GADL1: variants seen among roughly 807,000 people sequenced by gnomAD.
GADL1 encodes the protein GAD like acidic amino acid decarboxylase 1, also known as acidic amino acid decarboxylase GADL1.
Under a neutral mutation model 69.5 loss-of-function variants are expected in GADL1, and 71 were observed. That is an observed-to-expected ratio of 1.02 (90% CI 0.84 to 1.25). The LOEUF (loss-of-function observed/expected upper bound fraction) is 1.25, where lower values mean the gene tolerates loss of function less well. Among genes scored for constraint, GADL1 ranks in the 50% most tolerant of loss-of-function variants. The pLI, the probability that GADL1 is intolerant of heterozygous loss-of-function variation, is 0.00. For synonymous variants in GADL1, 254 were observed against 214.4 expected, an observed-to-expected ratio of 1.18 and a Z score of -1.62; for missense variants, 737 against 631.8, an observed-to-expected ratio of 1.17 and a Z score of -1.79.
chr3:30,820,545 C>A (rs573328044), intron 11 of GADL1, among the ~76,000 whole-genome samples: 1 of 152,120 alleles, frequency 6.6e-6, no homozygotes, highest in Non-Finnish European at 1.5e-5. Context: ...TTTCTTACAT[C>A]AGCCTTAGCA....
chr3:30,808,120 C>T (rs1697288584), intron 11 of GADL1, among the ~76,000 whole-genome samples: 1 of 151,938 alleles, frequency 6.6e-6, no homozygotes, highest in Admixed American at 6.6e-5. Context: ...CATGAATAGT[C>T]TGAGAAGGAA....
At position 30,785,008 on chromosome 3, in the gene GADL1, G is replaced by C. The variant is rs138735106; in HGVS notation, c.1302+1347C>G. ...TATCTGTCCCTCAAACATCCGCATG[G>C]CTTGCTGTTTATCTTTATTCAGGTC... On this transcript the variant is annotated intron_variant, in intron 13 of 14. Coordinates refer to ENST00000282538, the MANE Select transcript of GADL1 (RefSeq NM_207359.3). Among the ~76,000 whole-genome samples, 284 of 152,206 alleles carry C rather than the reference G, an allele frequency of 1.9e-3. No individual in the cohort carries two copies. In the South Asian group the frequency reaches 0.02, roughly 11 times the overall value.
intron 1 of GADL1, among the ~76,000 whole-genome samples, chr3:30,893,068 C>A (rs1456067934): frequency 4.6e-5 from 7 of 152,162 alleles, no homozygotes; most frequent in Admixed American, 4.6e-4. Flanking sequence ...GTTGGCCAGG[C>A]TGGTCTCAAA....
chr3:30,776,594 G>A (rs1275333924), intron 14 of GADL1, among the ~76,000 whole-genome samples: 1 of 152,182 alleles, frequency 6.6e-6, no homozygotes, highest in Non-Finnish European at 1.5e-5. Context: ...GGTGTATTCT[G>A]TATTGGTCAT....
At chr3:30,837,716 T>C (rs1263370745) in intron 9 of GADL1, among the ~76,000 whole-genome samples, 2 of 152,160 alleles carry the variant, frequency 1.3e-5, no homozygotes, top group Non-Finnish European at 2.9e-5. Flanking sequence ...TGCTGATGTA[T>C]TTGATTTTCC....
At chr3:30,853,979 C>A (rs1698188058) in intron 4 of GADL1, among the ~76,000 whole-genome samples, 1 of 151,992 alleles carries the variant, frequency 6.6e-6, no homozygotes, top group South Asian at 2.1e-4. Context: ...TCACCTGGGC[C>A]CTATATGTCT....
intron 1 of GADL1, among the ~76,000 whole-genome samples, chr3:30,869,931 G>T (rs1698457110): frequency 6.6e-6 from 1 of 151,858 alleles, no homozygotes; most frequent in Non-Finnish European, 1.5e-5. Flanking sequence ...GATAGGTGAA[G>T]TCAGATAAAA....
chr3:30,851,351 A>G (rs1698144079), intron 4 of GADL1, among the ~76,000 whole-genome samples: 1 of 152,162 alleles, frequency 6.6e-6, no homozygotes, highest in Non-Finnish European at 1.5e-5. Context: ...GATTACTGCC[A>G]TGAGTATGCT....
intron 13 of GADL1, among the ~76,000 whole-genome samples, chr3:30,782,225 C>T: frequency 6.6e-6 from 1 of 152,098 alleles, no homozygotes; most frequent in East Asian, 1.9e-4. Context: ...GGAAATAGAT[C>T]TCATCTTTGA....
intron 14 of GADL1, among the ~76,000 whole-genome samples, chr3:30,758,233 G>T (rs1696026568): frequency 1.3e-5 from 2 of 152,152 alleles, no homozygotes; most frequent in African/African-American, 4.8e-5. Context: ...TCCACATACA[G>T]TTGCATGCAC....
At chr3:30,793,895 C>T (rs1245074247) in intron 12 of GADL1, among the ~76,000 whole-genome samples, 1 of 152,152 alleles carries the variant, frequency 6.6e-6, no homozygotes, top group African/African-American at 2.4e-5. Flanking sequence ...TTGAGCCTCC[C>T]AGAACTCCTG....
At chr3:30,866,304 C>T (rs1845527) in intron 1 of GADL1, among the ~76,000 whole-genome samples, 25,514 of 151,616 alleles carry the variant, frequency 0.17, 2,180 homozygotes, top group African/African-American at 0.21. Context: ...CCAAAAAATA[C>T]AAAAATTAGC....
intron 11 of GADL1, among the ~76,000 whole-genome samples, chr3:30,815,991 A>AGG (rs1409631753): frequency 6.6e-6 from 1 of 152,164 alleles, no homozygotes; most frequent in Admixed American, 6.5e-5. Flanking sequence ...TACAGTGGGA[A>AGG]GGGGGAATAG....
At position 30,833,890 on chromosome 3, in the gene GADL1, C is replaced by G; in HGVS notation, c.1013G>C (p.Gly338Ala). The change falls in exon 11 of 15, where the codon GGG (glycine) becomes GCG (alanine). Residue 338 changes from glycine (G) to alanine (A), a missense_variant. Physicochemically the swap from Gly to Ala is moderately conservative, Grantham distance 60 (BLOSUM62 0). Transcript: ENST00000282538. Reference sequence around the variant, plus strand: ...CACAAGGAGAGCACAGCACTGGATCCCAGCCATCAGCATCTTGTGTGGGTT... The same window carrying G: ...CACAAGGAGAGCACAGCACTGGATCGCAGCCATCAGCATCTTGTGTGGGTT... Reference protein sequence around the residue: ...AWNPHKMLMAGIQCCALLVKD... With the variant: ...AWNPHKMLMAAIQCCALLVKD... 1 of 1,612,852 alleles carries G rather than the reference C, an allele frequency of 6.2e-7. No homozygotes were observed. The highest frequency in any genetic ancestry group is 8.5e-7 in the Non-Finnish European group (1 of 1,179,256).
intron 12 of GADL1, among the ~76,000 whole-genome samples, chr3:30,792,389 A>G (rs1696942839): frequency 6.6e-6 from 1 of 152,138 alleles, no homozygotes; most frequent in African/African-American, 2.4e-5. Flanking sequence ...CCTGGGCAAC[A>G]TGGTGAAACC....
intron 9 of GADL1, among the ~76,000 whole-genome samples, chr3:30,836,994 A>G (rs1159966244): frequency 1.3e-5 from 2 of 152,126 alleles, no homozygotes; most frequent in African/African-American, 4.8e-5. Flanking sequence ...TTTTTTGTGT[A>G]CTACTAATAA....
At chr3:30,781,252 A>G (rs571447171) in intron 13 of GADL1, among the ~76,000 whole-genome samples, 1 of 152,340 alleles carries the variant, frequency 6.6e-6, no homozygotes, top group Admixed American at 6.5e-5. Context: ...TCAAACAAAA[A>G]ACATTCTAAA....
chr3:30,835,539 T>C (rs1468981578), intron 9 of GADL1, among the ~76,000 whole-genome samples: 1 of 152,030 alleles, frequency 6.6e-6, no homozygotes, highest in Non-Finnish European at 1.5e-5. Flanking sequence ...AAATCCCACT[T>C]AAAAACAACT....
At chr3:30,754,918 GATA>G (rs1219506621) in intron 14 of GADL1, among the ~76,000 whole-genome samples, 10 of 152,002 alleles carry the variant, frequency 6.6e-5, no homozygotes, top group African/African-American at 2.2e-4. Context: ...TCAGTAACTT[GATA>G]ATAAATGGTC....
Sources: allele counts gnomAD v4.1 joint callset (sites outside exome capture counted in the v4.1 genomes callset), GRCh38; gene constraint gnomAD v4.1.1; transcripts MANE v1.5; gene names NCBI Gene and HGNC (gene_info 2026-07-23, HGNC 2026-07-21).